Variants in SORCS1 observed in about 807,000 individuals in gnomAD.
SORCS1 encodes VPS10 domain-containing receptor SorCS1.
In SORCS1, 60 loss-of-function variants were observed where a neutral mutation model predicts 146.1. The ratio of observed to expected loss-of-function variants is 0.41; its 90% CI spans 0.33 to 0.51. The LOEUF is 0.51. Ranked by LOEUF, SORCS1 falls within the 20% of genes least tolerant of loss-of-function variation. The pLI is 0.21. For missense variants in SORCS1, 1,352 were observed against 1,487.6 expected, an observed-to-expected ratio of 0.91 and a Z score of 1.50; for synonymous variants, 637 against 584.0, an observed-to-expected ratio of 1.09 and a Z score of -1.31.
intron 1 of SORCS1, among the ~76,000 whole-genome samples, chr10:107,144,301 A>G (rs952809103): frequency 5.9e-5 from 9 of 152,224 alleles, no homozygotes; most frequent in African/African-American, 9.7e-5. Flanking sequence ...ACTTGAGAGG[A>G]GGACTATTTC....
At chr10:106,789,385 C>G (rs2136495485) in intron 3 of SORCS1, among the ~76,000 whole-genome samples, 1 of 152,322 alleles carries the variant, frequency 6.6e-6, no homozygotes, top group South Asian at 2.1e-4. Flanking sequence ...ACTGCATTGT[C>G]AGACTGCAAA....
chr10:106,844,681 C>A (rs1949236302), intron 2 of SORCS1, among the ~76,000 whole-genome samples: 1 of 148,158 alleles, frequency 6.7e-6, no homozygotes, highest in Non-Finnish European at 1.5e-5. Context: ...GCTGCACCCA[C>A]TAACTCGTCA....
In SORCS1 at chr10:107,022,179, G is replaced by T. The variant is rs954538711; in HGVS notation, c.559-65599C>A. On this transcript the variant is annotated intron_variant, in intron 1 of 25. Coordinates refer to ENST00000263054, the MANE Select transcript of SORCS1 (RefSeq NM_052918.5). ...GCAAGTGGTTCTTGGCATACCCTCT[G>T]CCATATGCAAAATTTGGGCATCTCT... 6.6e-5 allele frequency among the ~76,000 whole-genome samples: 10 copies of T among 152,246 alleles called. No homozygotes were observed. The South Asian group carries it at 2.1e-3, about 32-fold the overall frequency.
chr10:107,089,795 TA>T (rs1296888946), intron 1 of SORCS1, among the ~76,000 whole-genome samples: 1 of 152,184 alleles, frequency 6.6e-6, no homozygotes, highest in Non-Finnish European at 1.5e-5. Flanking sequence ...TTTAACCACA[TA>T]AAGCACTGAA....
chr10:106,852,180 C>A (rs976332601), intron 2 of SORCS1, among the ~76,000 whole-genome samples: 2 of 152,012 alleles, frequency 1.3e-5, no homozygotes, highest in Non-Finnish European at 2.9e-5. Context: ...ATTACCTTTT[C>A]TTGTCTTATG....
intron 1 of SORCS1, among the ~76,000 whole-genome samples, chr10:107,004,725 A>C (rs1019412443): frequency 6.6e-6 from 1 of 152,118 alleles, no homozygotes; most frequent in Non-Finnish European, 1.5e-5. Context: ...CCCTCCTTAC[A>C]ATACTCTTCT....
At chr10:107,065,140 G>C (rs896046707) in intron 1 of SORCS1, among the ~76,000 whole-genome samples, 2 of 152,122 alleles carry the variant, frequency 1.3e-5, no homozygotes, top group African/African-American at 2.4e-5. Context: ...GATTGAGGGT[G>C]GGGGGAGGCA....
At chr10:107,152,305 C>T (rs1383596932) in intron 1 of SORCS1, among the ~76,000 whole-genome samples, 3 of 152,190 alleles carry the variant, frequency 2.0e-5, no homozygotes, top group Non-Finnish European at 4.4e-5. Context: ...AGAACCTCTG[C>T]TAGGACAGAG....
At chr10:107,177,480 A>G in the SORCS1 span, among the ~76,000 whole-genome samples, 1 of 152,230 alleles carries the variant, frequency 6.6e-6, no homozygotes, top group Non-Finnish European at 1.5e-5. Context: ...CCTTTAAAAT[A>G]TATATTTTTA....
intron 1 of SORCS1, among the ~76,000 whole-genome samples, chr10:107,095,547 G>A (rs1213172901): frequency 1.3e-5 from 2 of 152,206 alleles, no homozygotes; most frequent in Non-Finnish European, 2.9e-5. Context: ...CTGGAAGTCA[G>A]TAAGATACAT....
chr10:107,054,364 G>C (rs768534944), intron 1 of SORCS1, among the ~76,000 whole-genome samples: 3 of 152,056 alleles, frequency 2.0e-5, no homozygotes, highest in Non-Finnish European at 4.4e-5. Flanking sequence ...GTAATAATTG[G>C]GAACTTTTGT....
At chr10:106,895,828 T>C (rs907809430) in intron 2 of SORCS1, among the ~76,000 whole-genome samples, 1 of 152,152 alleles carries the variant, frequency 6.6e-6, no homozygotes, top group African/African-American at 2.4e-5. Context: ...CATGCCCACG[T>C]TTATAGCAAC....
intron 3 of SORCS1, among the ~76,000 whole-genome samples, chr10:106,800,531 T>C (rs1282177678): frequency 7.8e-6 from 1 of 127,520 alleles, no homozygotes; most frequent in Admixed American, 7.7e-5. Context: ...TTTTTTTTTT[T>C]TTTTTTTTAA....
chr10:106,836,675 C>T (rs1432445799), intron 2 of SORCS1, among the ~76,000 whole-genome samples: 1 of 151,568 alleles, frequency 6.6e-6, no homozygotes, highest in Non-Finnish European at 1.5e-5. Flanking sequence ...TGGTGTAGAC[C>T]AAAGCCTGGC....
intron 10 of SORCS1, 31 bp downstream of exon 10, chr10:106,688,161 T>TGA (rs1564858911): frequency 6.2e-7 from 1 of 1,607,876 alleles, no homozygotes; most frequent in Admixed American, 1.7e-5. Context: ...CTCTACTGTG[T>TGA]GAGGCATTCT....
rs59775337 is a variant in SORCS1, at chr10:106,582,138, T to TACAC, written c.3266-2668_3266-2665dup. Reference sequence around the variant, plus strand: ...GCATGCATGCACACACACAAACACATACACACACACACACACACACATGAA... The same window carrying TACAC: ...GCATGCATGCACACACACAAACACATACACACACACACACACACACACACATGAA... On this transcript the variant is annotated intron_variant, in intron 24 of 25. Coordinates refer to ENST00000263054, the MANE Select transcript of SORCS1 (RefSeq NM_052918.5). 2.4e-3 allele frequency among the ~76,000 whole-genome samples: 359 copies of TACAC among 149,252 alleles called. 3 individuals carry two copies. Among genetic ancestry groups the TACAC allele is most frequent in the African/African-American group, 4.4e-3 (181 of 40,774 alleles).
chr10:106,585,102 T>C (rs1300165636), intron 24 of SORCS1, among the ~76,000 whole-genome samples: 1 of 151,650 alleles, frequency 6.6e-6, no homozygotes, highest in African/African-American at 2.4e-5. Context: ...CAGGCACCTG[T>C]AGTCCCAGCT....
At chr10:106,920,476 T>A (rs561338428) in intron 2 of SORCS1, among the ~76,000 whole-genome samples, 4 of 152,178 alleles carry the variant, frequency 2.6e-5, no homozygotes, top group Non-Finnish European at 5.9e-5. Context: ...AAATCCTGTA[T>A]ACAACTATAT....
chr10:107,066,899 T>C (rs1046756688), intron 1 of SORCS1, among the ~76,000 whole-genome samples: 1 of 152,218 alleles, frequency 6.6e-6, no homozygotes, highest in Non-Finnish European at 1.5e-5. Context: ...TCTTGCTTAC[T>C]AGTTAGCCAA....
Sources: allele counts gnomAD v4.1 joint callset (sites outside exome capture counted in the v4.1 genomes callset), GRCh38; gene constraint gnomAD v4.1.1; transcripts MANE v1.5; gene names NCBI Gene and HGNC (gene_info 2026-07-23, HGNC 2026-07-21).